ITPK1: variants seen among roughly 807,000 people sequenced by gnomAD.
The protein encoded by ITPK1 is inositol-tetrakisphosphate 1-kinase.
Under a neutral mutation model 45.3 loss-of-function variants are expected in ITPK1, and 21 were observed. That is an observed-to-expected ratio of 0.46 (90% CI 0.33 to 0.67). ITPK1 has a LOEUF of 0.67. Ranked by LOEUF, ITPK1 falls within the 30% of genes least tolerant of loss-of-function variation. The probability of loss-of-function intolerance (pLI) is 0.02; values close to 1 mark genes in which losing one functional copy is unlikely to be tolerated. For missense variants in ITPK1, 474 were observed against 573.5 expected, an observed-to-expected ratio of 0.83 and a Z score of 1.77; for synonymous variants, 258 against 253.6, an observed-to-expected ratio of 1.02 and a Z score of -0.16.
Position 92,937,662 on chromosome 14 carries a change from C to G in ITPK1, c.*3899G>C, listed in dbSNP as rs567481776. On this transcript the variant is annotated 3_prime_UTR_variant, in exon 11 of 11. Transcript: ENST00000267615. ...GGTACACAGCACAGACCCTTTCTCA[C>G]AAGGGGAGGACCCATGGGAGAAGCC... is the stretch of plus-strand genomic sequence containing the variant. 6.6e-6 allele frequency: 1 copy of G among 152,476 alleles called. No homozygotes were observed. The highest frequency in any genetic ancestry group is 1.5e-5 in the Non-Finnish European group (1 of 68,226). The allele number at this position is 152,476 out of a possible 1,614,324, so 9.4% of individuals were successfully genotyped here.
chr14:93,077,843 G>A (rs1891291797), intron 2 of ITPK1, among the ~76,000 whole-genome samples: 1 of 152,158 alleles, frequency 6.6e-6, no homozygotes, highest in African/African-American at 2.4e-5. Flanking sequence ...CCAGGGACAA[G>A]CACTGGTGTA....
Position 92,938,446 on chromosome 14 carries a change from T to C in ITPK1, c.*3115A>G. On this transcript the variant is annotated 3_prime_UTR_variant, in exon 11 of 11. Transcript: ENST00000267615. ...GGCTGTCTGGCAGGCAACAGCTGCTTTGCTCAGTTGGCTCAAACATGTGAC... is the reference window on the plus strand; with the variant it reads ...GGCTGTCTGGCAGGCAACAGCTGCTCTGCTCAGTTGGCTCAAACATGTGAC... 1.3e-6 allele frequency: 2 copies of C among 1,575,506 alleles called. No homozygotes were observed. Among genetic ancestry groups the C allele is most frequent in the Non-Finnish European group, 1.7e-6 (2 of 1,144,856 alleles).
intron 3 of ITPK1, among the ~76,000 whole-genome samples, chr14:93,040,301 C>T (rs1011566130): frequency 7.2e-5 from 11 of 152,172 alleles, no homozygotes; most frequent in Non-Finnish European, 1.5e-4. Flanking sequence ...AGCTTTGCTT[C>T]CTCCTATGAA....
intron 2 of ITPK1, among the ~76,000 whole-genome samples, chr14:93,107,642 G>A (rs1239691005): frequency 6.6e-6 from 1 of 152,224 alleles, no homozygotes; most frequent in South Asian, 2.1e-4. Context: ...GCCTGGAGGG[G>A]TGGGGGGATG....
At chr14:93,007,605 G>A (rs926408073) in intron 4 of ITPK1, among the ~76,000 whole-genome samples, 1 of 152,148 alleles carries the variant, frequency 6.6e-6, no homozygotes, top group Non-Finnish European at 1.5e-5. Context: ...GGACCCCTGG[G>A]CTCCTCACCT....
chr14:93,040,099 C>A (rs907731818), intron 3 of ITPK1, among the ~76,000 whole-genome samples: 4 of 152,234 alleles, frequency 2.6e-5, no homozygotes, highest in Middle Eastern at 6.3e-3. Flanking sequence ...ATGTTTTGTT[C>A]TTTTTGGTTA....
intron 5 of ITPK1, among the ~76,000 whole-genome samples, chr14:92,981,091 G>A (rs1206059653): frequency 6.6e-6 from 1 of 152,172 alleles, no homozygotes; most frequent in Admixed American, 6.5e-5. Context: ...TGTGGAGCTG[G>A]CACACAGATT....
At position 92,992,635 on chromosome 14, in the gene ITPK1, G is replaced by A. The variant is rs536082072; in HGVS notation, c.364+1245C>T. Among the ~76,000 whole-genome samples, 14 of 152,324 alleles carry A rather than the reference G, an allele frequency of 9.2e-5. No individual in the cohort carries two copies. The South Asian group carries it at 1.9e-3, about 20-fold the overall frequency. ...GGGCACATTCCTCAGAGAGGGAACC[G>A]AGGACTCACCTACTCTCCAGGCCAG... On this transcript the variant is annotated intron_variant, in intron 5 of 10. Transcript: ENST00000267615.
chr14:93,083,026 C>T (rs746230969), intron 2 of ITPK1, among the ~76,000 whole-genome samples: 1 of 152,214 alleles, frequency 6.6e-6, no homozygotes, highest in Non-Finnish European at 1.5e-5. Flanking sequence ...GTGGTTACCA[C>T]TTCTGAAGAT....
chr14:93,019,181 A>G (rs1389039517), intron 3 of ITPK1, among the ~76,000 whole-genome samples: 1 of 152,136 alleles, frequency 6.6e-6, no homozygotes, highest in African/African-American at 2.4e-5. Flanking sequence ...GCGCAGGGGG[A>G]GCCGGGCCAC....
At position 92,942,512 on chromosome 14, in the gene ITPK1, C is replaced by G. The variant is rs976990182; in HGVS notation, c.902-608G>C. Among the ~76,000 whole-genome samples the G allele has an allele frequency of 2.6e-5, 4 of 152,184 alleles. No individual in the cohort carries two copies. In the East Asian group the frequency reaches 7.7e-4, roughly 29 times the overall value. On this transcript the variant is annotated intron_variant, in intron 10 of 10. Coordinates refer to ENST00000267615, the MANE Select transcript of ITPK1 (RefSeq NM_014216.6). Reference sequence around the variant, plus strand: ...AAAGCAGCTGCCGCCCCAACTGAGTCTGCTTCCTTCTCACCACAAAATACC... The same window carrying G: ...AAAGCAGCTGCCGCCCCAACTGAGTGTGCTTCCTTCTCACCACAAAATACC...
At chr14:93,038,797 G>C (rs1052404926) in intron 3 of ITPK1, among the ~76,000 whole-genome samples, 1 of 152,232 alleles carries the variant, frequency 6.6e-6, no homozygotes, top group Non-Finnish European at 1.5e-5. Flanking sequence ...AAAGTGCTGG[G>C]ATTACAGGCG....
chr14:92,996,440 G>A (rs747727114), intron 4 of ITPK1, among the ~76,000 whole-genome samples: 1 of 139,508 alleles, frequency 7.2e-6, no homozygotes, highest in Non-Finnish European at 1.6e-5. Context: ...TCGCGGGGTG[G>A]GGGGAGGGGG....
chr14:93,022,161 C>G (rs1302215975), intron 3 of ITPK1, among the ~76,000 whole-genome samples: 2 of 152,186 alleles, frequency 1.3e-5, no homozygotes, highest in Non-Finnish European at 2.9e-5. Flanking sequence ...TCCTGTTCTG[C>G]GTTCCCAACA....
intron 2 of ITPK1, among the ~76,000 whole-genome samples, chr14:93,101,875 C>T (rs1207630591): frequency 1.3e-5 from 2 of 152,178 alleles, no homozygotes; most frequent in Non-Finnish European, 2.9e-5. Flanking sequence ...GGGAAAGTCA[C>T]TTACCCTCTC....
chr14:93,113,506 CT>C (rs1331338899), intron 2 of ITPK1, among the ~76,000 whole-genome samples: 1 of 152,208 alleles, frequency 6.6e-6, no homozygotes, highest in Non-Finnish European at 1.5e-5. Context: ...TCTTACATGA[CT>C]GCAGGGGGAG....
At chr14:93,095,952 A>G (rs142784221) in intron 2 of ITPK1, among the ~76,000 whole-genome samples, 221 of 152,230 alleles carry the variant, frequency 1.5e-3, no homozygotes, top group African/African-American at 5.0e-3. Flanking sequence ...GCTGAGTAGT[A>G]TTTCACGGAC....
rs1215735264 is a variant in ITPK1, at chr14:93,115,069, C to T, written c.95G>A (p.Arg32Lys). ...LNFQAFAELC[R>K]KRGMEVVQLN... is the part of the protein sequence containing the mutation. ...GCGCCGGCGCCGCGTCCCTCCTTAC[C>T]TGCACAGCTCGGCGAAGGCCTGGAA... The change falls in exon 2 of 11, where the codon AGG becomes AAG. Residue 32 changes from arginine to lysine, a missense_variant and splice_region_variant. Physicochemically the swap from Arg to Lys is conservative, Grantham distance 26 (BLOSUM62 2). Around this residue, in one of 2 missense-constraint regions of ITPK1, gnomAD observed 367 missense variants for 480.6 expected, o/e 0.76. Transcript: ENST00000267615. The T allele has an allele frequency of 1.3e-5, 20 of 1,596,446 alleles. No individual in the cohort carries two copies. The highest frequency in any genetic ancestry group is 1.5e-5 in the Non-Finnish European group (18 of 1,173,162).
chr14:93,092,922 C>T (rs1891921244), intron 2 of ITPK1, among the ~76,000 whole-genome samples: 2 of 152,182 alleles, frequency 1.3e-5, no homozygotes, highest in African/African-American at 4.8e-5. Flanking sequence ...CACAGACTCA[C>T]CCACCCTCCA....
Sources: allele counts gnomAD v4.1 joint callset (sites outside exome capture counted in the v4.1 genomes callset), GRCh38; gene constraint gnomAD v4.1.1; regional missense constraint gnomAD v4.1.1; transcripts MANE v1.5; gene names NCBI Gene and HGNC (gene_info 2026-07-23, HGNC 2026-07-21).